PPP2R5E: variants seen among roughly 807,000 people sequenced by gnomAD.
PPP2R5E encodes the protein serine/threonine-protein phosphatase 2A 56 kDa regulatory subunit epsilon isoform.
Under a neutral mutation model 65.3 loss-of-function variants are expected in PPP2R5E, and 4 were observed. That is an observed-to-expected ratio of 0.06 (90% CI 0.03 to 0.14). The LOEUF (loss-of-function observed/expected upper bound fraction) is 0.14. Among genes scored for constraint, PPP2R5E ranks in the 10% least tolerant of loss-of-function variants. PPP2R5E has a pLI of 1.00. For synonymous variants in PPP2R5E, 183 were observed against 187.4 expected (o/e 0.98, Z 0.19); for missense variants, 274 against 556.1 (o/e 0.49, Z 5.10).
At chr14:63,518,851 T>C (rs746301771) in intron 2 of PPP2R5E, among the ~76,000 whole-genome samples, 12 of 151,946 alleles carry the variant, frequency 7.9e-5, no homozygotes, top group Admixed American at 3.3e-4. Context: ...GCCTACAGAG[T>C]AGCCATTCTT....
intron 2 of PPP2R5E, among the ~76,000 whole-genome samples, chr14:63,472,301 A>C (rs1477600846): frequency 6.6e-6 from 1 of 151,246 alleles, no homozygotes; most frequent in African/African-American, 2.4e-5. Context: ...TCTCCATCTC[A>C]AAAAAAAATA....
intron 3 of PPP2R5E, among the ~76,000 whole-genome samples, chr14:63,436,508 AGCT>A (rs1887960273): frequency 6.6e-6 from 1 of 152,258 alleles, no homozygotes; most frequent in African/African-American, 2.4e-5. Flanking sequence ...CAAAGCCCTG[AGCT>A]AGTTGGTGAG....
At position 63,372,167 on chromosome 14, in the gene PPP2R5E, G is replaced by A. The variant is rs1447757796; in HGVS notation, c.*3842C>T. The A allele has an allele frequency of 6.6e-6, 1 of 152,048 alleles. No individual in the cohort carries two copies. Among genetic ancestry groups the A allele is most frequent in the Admixed American group, 6.6e-5 (1 of 15,258 alleles). The allele number at this position is 152,048 out of a possible 1,614,324, so 9.4% of individuals were successfully genotyped here. On this transcript the variant is annotated 3_prime_UTR_variant, in exon 14 of 14. Coordinates refer to ENST00000337537, the MANE Select transcript of PPP2R5E (RefSeq NM_006246.5). ...TATATTCATAGACATCATAATATGG[G>A]ATGTTTATTTCCAAGAGAGATACTA...
intron 2 of PPP2R5E, among the ~76,000 whole-genome samples, chr14:63,505,314 A>C (rs1316415747): frequency 6.6e-6 from 1 of 152,200 alleles, no homozygotes; most frequent in Non-Finnish European, 1.5e-5. Flanking sequence ...AAGACCATCT[A>C]ATCTGGTAGC....
At chr14:63,533,243 T>C (rs764288849) in intron 2 of PPP2R5E, among the ~76,000 whole-genome samples, 44 of 152,084 alleles carry the variant, frequency 2.9e-4, no homozygotes, top group African/African-American at 1.0e-3. Context: ...AAAGCAGATA[T>C]AGACGAAAAA....
intron 2 of PPP2R5E, among the ~76,000 whole-genome samples, chr14:63,462,525 CT>C (rs1041384616): frequency 8.8e-4 from 134 of 151,524 alleles, no homozygotes; most frequent in African/African-American, 3.1e-3. Flanking sequence ...TATACTGCAA[CT>C]TTTTTTTTAA....
intron 1 of PPP2R5E, among the ~76,000 whole-genome samples, chr14:63,541,195 A>C (rs996917196): frequency 2.0e-5 from 3 of 152,226 alleles, no homozygotes; most frequent in Non-Finnish European, 4.4e-5. Context: ...TAAACAAAAC[A>C]CATAAAAGGC....
intron 3 of PPP2R5E, 75 bp downstream of exon 3, chr14:63,453,614 C>A: frequency 6.9e-7 from 1 of 1,453,564 alleles, no homozygotes; most frequent in Admixed American, 2.0e-5. Flanking sequence ...AATGACCTCA[C>A]TCTTGCAATA....
At chr14:63,399,203 A>C (rs1381586031) in intron 5 of PPP2R5E, among the ~76,000 whole-genome samples, 1 of 152,170 alleles carries the variant, frequency 6.6e-6, no homozygotes, top group Non-Finnish European at 1.5e-5. Flanking sequence ...ACATGTTACA[A>C]CATCAATGAA....
intron 7 of PPP2R5E, among the ~76,000 whole-genome samples, chr14:63,394,488 T>C (rs1885213379): frequency 6.6e-6 from 1 of 152,212 alleles, no homozygotes; most frequent in South Asian, 2.1e-4. Context: ...CTCCTAAAAT[T>C]AGTCAGATGG....
rs557013880 is a variant in PPP2R5E at position 63,530,972 on chromosome 14, G to A, written c.157+8557C>T. On this transcript the variant is annotated intron_variant, in intron 2 of 13. Transcript: ENST00000337537. The stretch of plus-strand genomic sequence containing the variant: ...CAATAATTTTACCTATGCTACAGAA[G>A]CAAACTATTAGGATATATTAAAAAA... 9.9e-4 allele frequency among the ~76,000 whole-genome samples: 150 copies of A among 152,236 alleles called. 2 individuals are homozygous for A. Among genetic ancestry groups the A allele is most frequent in the African/African-American group, 3.5e-3 (145 of 41,544 alleles).
intron 2 of PPP2R5E, among the ~76,000 whole-genome samples, chr14:63,499,065 A>T (rs1031182936): frequency 2.6e-5 from 4 of 152,200 alleles, no homozygotes; most frequent in Non-Finnish European, 5.9e-5. Context: ...TTACTTCATC[A>T]CAGGCAATTT....
Position 63,450,221 on chromosome 14 carries a change from C to T in PPP2R5E, c.354+3468G>A, listed in dbSNP as rs148181012. On this transcript the variant is annotated intron_variant, in intron 3 of 13. Transcript: ENST00000337537. ...TCATAATATCCCCTTTCTGTAAATG[C>T]TCCAGAGTGTCTAAGTACCGTATAT... 5.3e-3 allele frequency among the ~76,000 whole-genome samples: 802 copies of T among 152,252 alleles called. 8 individuals carry two copies. The highest frequency in any genetic ancestry group is 0.018 in the African/African-American group (754 of 41,538).
rs1485128050 is a variant in PPP2R5E, at chr14:63,523,587, CCTCCGCCTAGGAAAA to C, written c.157+15927_157+15941del. Among the ~76,000 whole-genome samples, 822 of 152,026 alleles carry C rather than the reference CCTCCGCCTAGGAAAA, an allele frequency of 5.4e-3. 6 individuals are homozygous for C. The highest frequency in any genetic ancestry group is 0.019 in the African/African-American group (792 of 41,432). On this transcript the variant is annotated intron_variant, in intron 2 of 13. Transcript: ENST00000337537. The stretch of plus-strand genomic sequence containing the variant: ...CAAACACTGCGGAAGGCCGCAGGGT[CCTCCGCCTAGGAAAA>C]CCAGAGACCTTTGTTCACTTGTTTA...
intron 11 of PPP2R5E, among the ~76,000 whole-genome samples, chr14:63,387,443 A>T (rs1013936373): frequency 2.6e-5 from 4 of 152,196 alleles, no homozygotes; most frequent in Admixed American, 2.6e-4. Flanking sequence ...GCACACACAG[A>T]GGCAGTGTCA....
At position 63,389,622 on chromosome 14, in the gene PPP2R5E, G is replaced by T. The variant is rs1399716150; in HGVS notation, c.1064C>A (p.Pro355His). ...FKQIAKCVSS[P>H]HFQVAERALY... ...CTCTTTACTACTAACCTGAAAATGG[G>T]GGCTAGATACACACTTGGCGATTTG... is the stretch of plus-strand genomic sequence containing the variant. Residue 355 changes from proline (P) to histidine (H), a missense_variant, in exon 11 of 14, where the codon CCC (proline) becomes CAC (histidine). Transcript: ENST00000337537. The T allele has an allele frequency of 6.2e-7, 1 of 1,607,660 alleles. No homozygotes were observed. Among genetic ancestry groups the T allele is most frequent in the East Asian group, 2.2e-5 (1 of 44,752 alleles).
chr14:63,381,024 T>C (rs1401625145), intron 13 of PPP2R5E, among the ~76,000 whole-genome samples: 4 of 152,302 alleles, frequency 2.6e-5, no homozygotes, highest in Admixed American at 6.5e-5. Flanking sequence ...CTAAGGTCCA[T>C]AGCTTTATGA....
chr14:63,436,174 C>A (rs1887943939), intron 3 of PPP2R5E, among the ~76,000 whole-genome samples: 1 of 152,138 alleles, frequency 6.6e-6, no homozygotes, highest in African/African-American at 2.4e-5. Flanking sequence ...TCTGTAAAAG[C>A]CACAGTGCAC....
chr14:63,503,557 C>T (rs1892006440), intron 2 of PPP2R5E, among the ~76,000 whole-genome samples: 1 of 152,132 alleles, frequency 6.6e-6, no homozygotes. Flanking sequence ...AAGGAGGTAA[C>T]ATAAGGCAAG....
Sources: allele counts gnomAD v4.1 joint callset (sites outside exome capture counted in the v4.1 genomes callset), GRCh38; gene constraint gnomAD v4.1.1; transcripts MANE v1.5; gene names NCBI Gene and HGNC (gene_info 2026-07-23, HGNC 2026-07-21).